Variants in TSPO observed in about 807,000 individuals in gnomAD.
TSPO encodes benzodiazepine peripheral binding site.
TSPO carries 14 observed loss-of-function variants against 13.9 expected under a neutral mutation model. That is an observed-to-expected ratio of 1.01 (90% CI 0.67 to 1.58). The LOEUF (loss-of-function observed/expected upper bound fraction) is 1.58. Ranked by LOEUF, TSPO falls within the 40% of genes most tolerant of loss-of-function variation. TSPO has a pLI of 0.00. For synonymous variants in TSPO, 114 were observed against 105.9 expected (o/e 1.08, Z -0.47); for missense variants, 232 against 229.6 (o/e 1.01, Z -0.07).
At chr22:43,161,291 A>G in intron 3 of TSPO, 101 bp downstream of exon 3, 2 of 1,482,282 alleles carry the variant, frequency 1.3e-6, no homozygotes, top group South Asian at 1.4e-5. Flanking sequence ...AGGCGGGGCC[A>G]GGGGAGACAA....
At chr22:43,153,647 G>A (rs1329079572) in intron 1 of TSPO, among the ~76,000 whole-genome samples, 1 of 146,564 alleles carries the variant, frequency 6.8e-6, no homozygotes, top group African/African-American at 2.5e-5. Flanking sequence ...CACCGCGCCC[G>A]GCTTATTTGT....
At chr22:43,155,303 G>A (rs1007494537) in intron 1 of TSPO, among the ~76,000 whole-genome samples, 40 of 152,194 alleles carry the variant, frequency 2.6e-4, no homozygotes, top group African/African-American at 8.4e-4. Context: ...GGCGGTGACC[G>A]TCGGGATGAG....
chr22:43,162,703 TC>T (rs1391385254), intron 3 of TSPO, 99 bp from the exon 4 acceptor site: 1 of 1,253,742 alleles, frequency 8.0e-7, no homozygotes, highest in African/African-American at 1.5e-5. Context: ...TGAGTGAGGC[TC>T]CTGACTCCCA....
In TSPO at chr22:43,159,403, G is replaced by T; in HGVS notation, c.165G>T (p.Thr55=). Residue 55 remains threonine, a synonymous_variant, in exon 2 of 4, where the codon ACG becomes ACT. Transcript: ENST00000337554. The part of the protein sequence containing the change: ...PHWVLGPVWG[T]LYSAMGYGSY... The stretch of plus-strand genomic sequence containing the variant: ...GGGTGCTGGGCCCTGTCTGGGGCAC[G>T]CTCTACTCAGCCATGGGGTAGGTGG... The T allele has an allele frequency of 1.0e-5, 16 of 1,529,858 alleles. No homozygotes were observed. Among genetic ancestry groups the T allele is most frequent in the Non-Finnish European group, 1.4e-5 (16 of 1,139,254 alleles). The allele number at this position is 1,529,858 out of a possible 1,614,324, so 94.8% of individuals were successfully genotyped here.
intron 1 of TSPO, among the ~76,000 whole-genome samples, chr22:43,157,595 TGA>T (rs1931294898): frequency 6.6e-6 from 1 of 152,110 alleles, no homozygotes; most frequent in South Asian, 2.1e-4. Context: ...TTTGGGAGGC[TGA>T]GGCAGGCAGA....
intron 1 of TSPO, among the ~76,000 whole-genome samples, chr22:43,152,613 G>C (rs5759195): frequency 0.31 from 47,048 of 152,234 alleles, 9,105 homozygotes; most frequent in East Asian, 0.98. Context: ...GCAAGGACAG[G>C]AGAGCCAGCC....
At chr22:43,161,561 C>G (rs1931441351) in intron 3 of TSPO, among the ~76,000 whole-genome samples, 1 of 151,064 alleles carries the variant, frequency 6.6e-6, no homozygotes, top group Admixed American at 6.6e-5. Context: ...GATCTCGGCC[C>G]ACTGCAACCT....
chr22:43,157,305 G>GCGGGCCGGGGC (rs1569479277), intron 1 of TSPO, among the ~76,000 whole-genome samples: 6 of 134,276 alleles, frequency 4.5e-5, no homozygotes, highest in African/African-American at 2.2e-4. Context: ...GGGCAGGAGG[G>GCGGGCCGGGGC]AGGGGCGGGG....
At chr22:43,158,364 C>A (rs986087945) in intron 1 of TSPO, among the ~76,000 whole-genome samples, 6 of 152,252 alleles carry the variant, frequency 3.9e-5, no homozygotes, top group Admixed American at 2.0e-4. Flanking sequence ...CCCCAGCAGG[C>A]CTTGCTGCAA....
intron 3 of TSPO, 114 bp downstream of exon 3, chr22:43,161,304 G>A (rs943819288): frequency 7.0e-7 from 1 of 1,425,000 alleles, no homozygotes. Context: ...GGAGACAAAA[G>A]GCCATGTCTC....
chr22:43,157,326 C>T (rs1387341705), intron 1 of TSPO, among the ~76,000 whole-genome samples: 1 of 143,468 alleles, frequency 7.0e-6, no homozygotes, highest in African/African-American at 3.0e-5. Context: ...CAGGAGGGAG[C>T]GGGAGGGAGA....
intron 1 of TSPO, among the ~76,000 whole-genome samples, chr22:43,155,759 C>T (rs1053023323): frequency 1.3e-5 from 2 of 152,148 alleles, no homozygotes; most frequent in Non-Finnish European, 2.9e-5. Flanking sequence ...GTCTGGATCC[C>T]GATTCGCTTT....
In TSPO at chr22:43,161,158, C is replaced by T; in HGVS notation, c.289C>T (p.Pro97Ser). The T allele has an allele frequency of 6.2e-7, 1 of 1,613,696 alleles. No individual in the cohort carries two copies. Among genetic ancestry groups the T allele is most frequent in the Non-Finnish European group, 8.5e-7 (1 of 1,179,726 alleles). ...GQLALNWAWP[P>S]IFFGARQMGW... ...GCTGGCCCTGAACTGGGCATGGCCC[C>T]CCATCTTCTTTGGTGCCCGACAAAT... Residue 97 changes from proline (P) to serine (S), a missense_variant, in exon 3 of 4, where the codon CCC (proline) becomes TCC (serine). Coordinates refer to ENST00000337554, the MANE Select transcript of TSPO (RefSeq NM_000714.6).
chr22:43,161,780 G>A (rs1395034319), intron 3 of TSPO, among the ~76,000 whole-genome samples: 1 of 152,122 alleles, frequency 6.6e-6, no homozygotes, highest in African/African-American at 2.4e-5. Flanking sequence ...GGGATTACAG[G>A]TGTAAGCCAC....
chr22:43,159,285 G>A lies in TSPO; in HGVS notation c.47G>A (p.Ser16Asn). The A allele has an allele frequency of 6.4e-7, 1 of 1,555,354 alleles. No individual in the cohort carries two copies. Among genetic ancestry groups the A allele is most frequent in the South Asian group, 1.2e-5 (1 of 84,298 alleles). ...GCCATGGGCTTCACGCTGGCGCCCA[G>A]CCTGGGGTGCTTCGTGGGCTCCCGC... is the stretch of plus-strand genomic sequence containing the variant. Reference protein sequence around the residue: ...VPAMGFTLAPSLGCFVGSRFV... With the variant: ...VPAMGFTLAPNLGCFVGSRFV... Residue 16 changes from serine to asparagine, a missense_variant, in exon 2 of 4, where the codon AGC becomes AAC. By Grantham distance (46) the Ser-to-Asn change is conservative. Transcript: ENST00000337554.
chr22:43,153,345 T>TGATGG (rs1214567553), intron 1 of TSPO, among the ~76,000 whole-genome samples: 23 of 50,340 alleles, frequency 4.6e-4, no homozygotes, highest in South Asian at 2.0e-3. Context: ...TCTTTTTTTT[T>TGATGG]TTTTTTTTTT....
Sources: gnomAD v4.1 joint callset for allele counts (sites outside exome capture counted in the v4.1 genomes callset) on GRCh38, gnomAD v4.1.1 for gene constraint, MANE v1.5 for transcripts, NCBI Gene and HGNC (gene_info 2026-07-23, HGNC 2026-07-21) for gene names.